SHISA9: variants seen among roughly 807,000 people sequenced by gnomAD.
SHISA9 encodes the protein shisa family member 9.
A neutral mutation model predicts 38.0 loss-of-function variants in SHISA9; 13 were observed. The ratio of observed to expected loss-of-function variants is 0.34; its 90% confidence interval spans 0.22 to 0.54. The LOEUF (loss-of-function observed/expected upper bound fraction) is 0.54, where lower values mean the gene tolerates loss of function less well. Among genes scored for constraint, SHISA9 ranks in the 20% least tolerant of loss-of-function variants. The probability of loss-of-function intolerance (pLI) is 0.91; values close to 1 mark genes in which losing one functional copy is unlikely to be tolerated. For synonymous variants in SHISA9, 275 were observed against 242.0 expected, an observed-to-expected ratio of 1.14 and a Z score of -1.27; for missense variants, 538 against 575.8, an observed-to-expected ratio of 0.93 and a Z score of 0.67.
At chr16:13,426,478 T>C in the SHISA9 span, among the ~76,000 whole-genome samples, 46,141 of 152,094 alleles carry the variant, frequency 0.3, 7,773 homozygotes, top group East Asian at 0.52. Flanking sequence ...GCACTGTCTG[T>C]GTACCTTTCC....
chr16:13,559,706 C>A, the SHISA9 span, among the ~76,000 whole-genome samples: 1 of 152,140 alleles, frequency 6.6e-6, no homozygotes, highest in Non-Finnish European at 1.5e-5. Context: ...TTAAGCCATT[C>A]CATTTTACTA....
chr16:13,489,792 G>C, the SHISA9 span, among the ~76,000 whole-genome samples: 1 of 152,186 alleles, frequency 6.6e-6, no homozygotes, highest in Non-Finnish European at 1.5e-5. Context: ...CTATGAGATA[G>C]ATTCTATTAT....
At chr16:13,187,270 T>C (rs2142037016) in intron 2 of SHISA9, among the ~76,000 whole-genome samples, 1 of 152,152 alleles carries the variant, frequency 6.6e-6, no homozygotes, top group Middle Eastern at 3.4e-3. Context: ...TCTGAAAACT[T>C]CTCAGGAGGT....
At chr16:13,254,174 A>G in the SHISA9 span, among the ~76,000 whole-genome samples, 1 of 152,212 alleles carries the variant, frequency 6.6e-6, no homozygotes, top group African/African-American at 2.4e-5. Context: ...GGCAATTTGC[A>G]TACATTAGCA....
At chr16:13,310,089 T>G in the SHISA9 span, among the ~76,000 whole-genome samples, 1 of 152,092 alleles carries the variant, frequency 6.6e-6, no homozygotes, top group African/African-American at 2.4e-5. Flanking sequence ...GGTTTCACCA[T>G]GTTGGCCAGG....
intron 2 of SHISA9, among the ~76,000 whole-genome samples, chr16:13,193,210 G>C (rs1039758283): frequency 1.3e-5 from 2 of 152,172 alleles, no homozygotes; most frequent in African/African-American, 4.8e-5. Flanking sequence ...ATCAAATCCT[G>C]ATACTGTTAT....
At chr16:13,531,706 G>A in the SHISA9 span, among the ~76,000 whole-genome samples, 3 of 152,184 alleles carry the variant, frequency 2.0e-5, no homozygotes, top group South Asian at 2.1e-4. Flanking sequence ...AGAGATGTAT[G>A]AGCAATCTCA....
chr16:13,100,269 C>T (rs991054899), intron 2 of SHISA9, among the ~76,000 whole-genome samples: 3 of 152,168 alleles, frequency 2.0e-5, no homozygotes, highest in Admixed American at 6.5e-5. Context: ...AAGCATACAC[C>T]CAGTTTACTG....
intron 2 of SHISA9, among the ~76,000 whole-genome samples, chr16:12,950,987 C>G (rs550572931): frequency 6.7e-6 from 1 of 149,306 alleles, no homozygotes; most frequent in South Asian, 2.1e-4. Flanking sequence ...TTTGTGGGGA[C>G]GAGGCGGGTG....
the SHISA9 span, among the ~76,000 whole-genome samples, chr16:13,382,715 G>A: frequency 3.3e-5 from 5 of 151,582 alleles, no homozygotes; most frequent in East Asian, 1.9e-4. Context: ...AAAATTAGCC[G>A]GGTGTTGTGG....
chr16:13,365,688 A>G, the SHISA9 span, among the ~76,000 whole-genome samples: 1 of 152,110 alleles, frequency 6.6e-6, no homozygotes, highest in African/African-American at 2.4e-5. Flanking sequence ...CGAACTCCTG[A>G]CCTCAAGTGA....
chr16:13,190,826 T>C (rs1465856147), intron 2 of SHISA9, among the ~76,000 whole-genome samples: 1 of 152,240 alleles, frequency 6.6e-6, no homozygotes, highest in African/African-American at 2.4e-5. Context: ...TCAAATTTTT[T>C]TTTTAAGTTT....
chr16:13,222,252 G>A (rs2051233992), intron 4 of SHISA9, among the ~76,000 whole-genome samples: 1 of 152,164 alleles, frequency 6.6e-6, no homozygotes, highest in Non-Finnish European at 1.5e-5. Flanking sequence ...AGATTTGGGT[G>A]GGGATACAGC....
chr16:13,544,690 C>T, the SHISA9 span, among the ~76,000 whole-genome samples: 2 of 152,070 alleles, frequency 1.3e-5, no homozygotes, highest in Admixed American at 6.6e-5. Context: ...CACCTGTAAT[C>T]CCAGCACTTT....
At position 12,902,316 on chromosome 16, in the gene SHISA9, G is replaced by C; in HGVS notation, c.252G>C (p.Trp84Cys). The change falls in exon 1 of 5, where the codon TGG (tryptophan) becomes TGC (cysteine). Residue 84 changes from tryptophan to cysteine, a missense_variant. Coordinates refer to ENST00000558583, the MANE Select transcript of SHISA9 (RefSeq NM_001145204.3). Reference protein sequence around the residue: ...CRGYFDVMGQWDPPFNCSSGD... With the variant: ...CRGYFDVMGQCDPPFNCSSGD... ...GCTACTTCGATGTCATGGGCCAGTG[G>C]GACCCGCCGTTCAACTGCAGCTCGG... The C allele has an allele frequency of 6.4e-7, 1 of 1,550,964 alleles. No individual in the cohort carries two copies. The highest frequency in any genetic ancestry group is 8.7e-7 in the Non-Finnish European group (1 of 1,146,978).
the SHISA9 span, among the ~76,000 whole-genome samples, chr16:13,322,995 A>T: frequency 2.0e-5 from 3 of 152,150 alleles, no homozygotes; most frequent in African/African-American, 4.8e-5. Flanking sequence ...TTCCTGATAG[A>T]TCAGTAATCT....
At chr16:13,406,389 T>A in the SHISA9 span, among the ~76,000 whole-genome samples, 1 of 152,204 alleles carries the variant, frequency 6.6e-6, no homozygotes, top group African/African-American at 2.4e-5. Context: ...AGGTTCATGT[T>A]ATTTGCCTGG....
chr16:13,206,582 T>G (rs896586092), intron 3 of SHISA9, among the ~76,000 whole-genome samples: 1 of 152,216 alleles, frequency 6.6e-6, no homozygotes, highest in Non-Finnish European at 1.5e-5. Flanking sequence ...GAAGTCTATG[T>G]TTGGGAATTC....
the SHISA9 span, among the ~76,000 whole-genome samples, chr16:13,272,224 T>A: frequency 6.6e-6 from 1 of 152,148 alleles, no homozygotes; most frequent in African/African-American, 2.4e-5. Flanking sequence ...TCAATAAATT[T>A]TTTTATAAAA....
Sources: allele counts gnomAD v4.1 joint callset (sites outside exome capture counted in the v4.1 genomes callset), GRCh38; gene constraint gnomAD v4.1.1; transcripts MANE v1.5; gene names NCBI Gene and HGNC (gene_info 2026-07-23, HGNC 2026-07-21).